The following CHN2 variants were observed in gnomAD, a reference collection of about 807,000 sequenced individuals.
CHN2 encodes chimerin 2, also known as beta-chimaerin.
Under a neutral mutation model 56.3 loss-of-function variants are expected in CHN2, and 35 were observed. That is an observed-to-expected ratio of 0.62 (90% CI 0.47 to 0.82). The LOEUF is 0.82. Ranked by LOEUF, CHN2 falls within the 40% of genes least tolerant of loss-of-function variation. CHN2 has a pLI of 0.00. For synonymous variants in CHN2, 210 were observed against 212.8 expected, an observed-to-expected ratio of 0.99 and a Z score of 0.12; for missense variants, 491 against 580.5, an observed-to-expected ratio of 0.85 and a Z score of 1.58.
At chr7:29,466,665 C>T (rs921756276) in intron 6 of CHN2, among the ~76,000 whole-genome samples, 3 of 152,082 alleles carry the variant, frequency 2.0e-5, no homozygotes, top group African/African-American at 7.2e-5. Context: ...GTTACTTAAC[C>T]ACTTGTTTTG....
chr7:29,228,588 T>C (rs1449445980), intron 1 of CHN2, among the ~76,000 whole-genome samples: 1 of 152,196 alleles, frequency 6.6e-6, no homozygotes, highest in Non-Finnish European at 1.5e-5. Context: ...TGAATACGCA[T>C]CATAAACATA....
chr7:29,179,017 TCTC>T (rs1797728329), intron 2 of CHN2, among the ~76,000 whole-genome samples: 1 of 152,068 alleles, frequency 6.6e-6, no homozygotes, highest in South Asian at 2.1e-4. Context: ...GGTTTTGAGG[TCTC>T]CTGCCTCCTT....
chr7:29,148,638 A>T (rs1440086256), intron 2 of CHN2: 3 of 152,254 alleles, frequency 2.0e-5, no homozygotes, highest in African/African-American at 7.2e-5. Flanking sequence ...AGAAGTTATT[A>T]AAGCTTAAAA....
intron 2 of CHN2, among the ~76,000 whole-genome samples, chr7:29,188,794 C>T (rs576303677): frequency 3.8e-4 from 58 of 152,174 alleles, no homozygotes; most frequent in African/African-American, 1.3e-3. Context: ...AAAAGAAAGT[C>T]GTCACCGGCA....
intron 2 of CHN2, among the ~76,000 whole-genome samples, chr7:29,178,349 T>C (rs1354163588): frequency 6.6e-6 from 1 of 152,214 alleles, no homozygotes; most frequent in Non-Finnish European, 1.5e-5. Context: ...TGCTAGGATC[T>C]GACATCTACT....
intron 2 of CHN2, among the ~76,000 whole-genome samples, chr7:29,155,019 G>A (rs1794142784): frequency 6.6e-6 from 1 of 152,138 alleles, no homozygotes. Flanking sequence ...TGCTTGTGCA[G>A]GGAAACTCCC....
intron 1 of CHN2, chr7:29,288,965 T>A (rs1423450359): frequency 6.6e-6 from 1 of 151,992 alleles, no homozygotes; most frequent in Non-Finnish European, 1.5e-5. Context: ...AGGAAGAAAA[T>A]CACAAAAGGA....
At chr7:29,399,265 A>G (rs897497439) in intron 5 of CHN2, among the ~76,000 whole-genome samples, 2 of 152,188 alleles carry the variant, frequency 1.3e-5, no homozygotes, top group African/African-American at 4.8e-5. Context: ...AGCTCCCAGC[A>G]GCCCATGTTG....
intron 1 of CHN2, among the ~76,000 whole-genome samples, chr7:29,245,497 A>T (rs988883518): frequency 6.6e-6 from 1 of 152,242 alleles, no homozygotes; most frequent in African/African-American, 2.4e-5. Context: ...CAAGGAGCTT[A>T]TAACATAATA....
intron 2 of CHN2, among the ~76,000 whole-genome samples, chr7:29,367,071 C>T (rs1799223426): frequency 1.3e-5 from 2 of 152,008 alleles, no homozygotes; most frequent in African/African-American, 4.8e-5. Flanking sequence ...AAGAGAACAT[C>T]AACTTTTTTT....
intron 3 of CHN2, among the ~76,000 whole-genome samples, chr7:29,388,419 C>T (rs181068527): frequency 3.0e-4 from 46 of 152,274 alleles, no homozygotes; most frequent in East Asian, 1.5e-3. Context: ...CTCAGGATCC[C>T]GGTGATAGCT....
At chr7:29,280,256 C>T (rs577363281) in intron 1 of CHN2, among the ~76,000 whole-genome samples, 12 of 151,928 alleles carry the variant, frequency 7.9e-5, no homozygotes, top group African/African-American at 1.2e-4. Flanking sequence ...TGGTGGTGGG[C>T]GCCTGTAGTC....
intron 2 of CHN2, among the ~76,000 whole-genome samples, chr7:29,173,916 C>T (rs1796929706): frequency 6.6e-6 from 1 of 150,444 alleles, no homozygotes; most frequent in East Asian, 1.9e-4. Context: ...CACACCACTG[C>T]ACTCCAGCCT....
At chr7:29,344,619 G>C (rs1199810372) in intron 1 of CHN2, among the ~76,000 whole-genome samples, 1 of 152,098 alleles carries the variant, frequency 6.6e-6, no homozygotes, top group Non-Finnish European at 1.5e-5. Flanking sequence ...TCCTTACTGT[G>C]GGCTTCTGCA....
At chr7:29,338,974 G>A (rs2128911271) in intron 1 of CHN2, among the ~76,000 whole-genome samples, 1 of 152,294 alleles carries the variant, frequency 6.6e-6, no homozygotes, top group South Asian at 2.1e-4. Context: ...CATGATATCT[G>A]TCAAAATTAT....
chr7:29,368,224 T>TA (rs1022995550), intron 3 of CHN2, among the ~76,000 whole-genome samples: 2 of 152,178 alleles, frequency 1.3e-5, no homozygotes, highest in African/African-American at 4.8e-5. Flanking sequence ...CGAGACAAAT[T>TA]AAACAACCTT....
intron 1 of CHN2, among the ~76,000 whole-genome samples, chr7:29,273,853 A>G (rs140408069): frequency 2.0e-5 from 3 of 152,296 alleles, no homozygotes; most frequent in East Asian, 3.9e-4. Flanking sequence ...GCACTTTCTG[A>G]AAAACTCTAC....
At chr7:29,252,260 C>T (rs187009432) in intron 1 of CHN2, among the ~76,000 whole-genome samples, 1 of 146,544 alleles carries the variant, frequency 6.8e-6, no homozygotes, top group East Asian at 2.0e-4. Context: ...GCCATCTCAG[C>T]TCACTGCAAC....
At chr7:29,204,772 T>G (rs776874847) in intron 1 of CHN2, among the ~76,000 whole-genome samples, 1 of 152,194 alleles carries the variant, frequency 6.6e-6, no homozygotes, top group Non-Finnish European at 1.5e-5. Flanking sequence ...CCGAGTCCTA[T>G]GCTTGCTTTA....
Sources: allele counts gnomAD v4.1 joint callset (sites outside exome capture counted in the v4.1 genomes callset), GRCh38; gene constraint gnomAD v4.1.1; transcripts MANE v1.5; gene names NCBI Gene and HGNC (gene_info 2026-07-23, HGNC 2026-07-21).